Variants in HIVEP2 observed in about 807,000 individuals in gnomAD.
HIVEP2 encodes transcription factor HIVEP2.
A neutral mutation model predicts 180.7 loss-of-function variants in HIVEP2; 14 were observed. The observed-to-expected ratio is 0.08, with a 90% confidence interval of 0.05 to 0.12. The LOEUF is 0.12. Among genes scored for constraint, HIVEP2 ranks in the 10% least tolerant of loss-of-function variants. The pLI, the probability that HIVEP2 is intolerant of heterozygous loss-of-function variation, is 1.00. For missense variants in HIVEP2, 2,579 were observed against 3,008.5 expected (o/e 0.86, Z 3.34); for synonymous variants, 1,184 against 1,136.4 (o/e 1.04, Z -0.84).
intron 1 of HIVEP2, among the ~76,000 whole-genome samples, chr6:142,921,123 C>T (rs1777672864): frequency 6.6e-6 from 1 of 152,192 alleles, no homozygotes. Flanking sequence ...ACTGCCGGAG[C>T]TTAAATGCAA....
intron 1 of HIVEP2, among the ~76,000 whole-genome samples, chr6:142,855,605 G>A (rs1046961400): frequency 3.3e-5 from 5 of 152,110 alleles, no homozygotes; most frequent in African/African-American, 1.2e-4. Context: ...ATTAGTTCTG[G>A]GGAACCTCTC....
intron 2 of HIVEP2, among the ~76,000 whole-genome samples, chr6:142,787,370 G>A (rs1333092752): frequency 2.0e-5 from 3 of 152,052 alleles, no homozygotes; most frequent in Non-Finnish European, 4.4e-5. Context: ...TAAAAAGAGT[G>A]TTTAAGTATT....
chr6:142,796,785 A>C (rs1290532557), intron 2 of HIVEP2, among the ~76,000 whole-genome samples: 2 of 152,178 alleles, frequency 1.3e-5, no homozygotes, highest in Non-Finnish European at 2.9e-5. Flanking sequence ...AGGAGAGATC[A>C]CTTTTTATTG....
At chr6:142,924,461 C>CA (rs1293830320) in intron 1 of HIVEP2, among the ~76,000 whole-genome samples, 2 of 152,084 alleles carry the variant, frequency 1.3e-5, no homozygotes, top group East Asian at 3.9e-4. Context: ...CCAATTCTTT[C>CA]AAAAAATACT....
At position 142,760,542 on chromosome 6, in the gene HIVEP2, C is replaced by T; in HGVS notation, c.5746G>A (p.Glu1916Lys). The T allele has an allele frequency of 6.2e-7, 1 of 1,607,822 alleles. No homozygotes were observed. Among genetic ancestry groups the T allele is most frequent in the East Asian group, 2.2e-5 (1 of 44,858 alleles). ...TGGTCGTCAAAGTCATCTTCATCTTCATCATCATCATCATTATCATCTCCA... is the reference window on the plus strand; with the variant it reads ...TGGTCGTCAAAGTCATCTTCATCTTTATCATCATCATCATTATCATCTCCA... ...EDGDDNDDDDEDEDDFDDQGD... is the reference protein window; with the variant it reads ...EDGDDNDDDDKDEDDFDDQGD... The change falls in exon 9 of 10, where the codon GAA becomes AAA. Residue 1916 changes from glutamate (E) to lysine (K), a missense_variant. Physicochemically the swap from Glu to Lys is moderately conservative, Grantham distance 56 (BLOSUM62 1). This residue lies in a region of HIVEP2 where 660 missense variants were observed against 731.7 expected (regional missense o/e 0.90). Coordinates refer to ENST00000367603, the MANE Select transcript of HIVEP2 (RefSeq NM_006734.4).
intron 1 of HIVEP2, among the ~76,000 whole-genome samples, chr6:142,878,589 T>C (rs1169780000): frequency 2.0e-5 from 3 of 152,076 alleles, no homozygotes; most frequent in South Asian, 2.1e-4. Context: ...CCAAGTTCCA[T>C]ATGAGACAAG....
At chr6:142,918,715 A>G (rs1000986417) in intron 1 of HIVEP2, among the ~76,000 whole-genome samples, 2 of 152,238 alleles carry the variant, frequency 1.3e-5, no homozygotes, top group Non-Finnish European at 2.9e-5. Flanking sequence ...TAACATGTTC[A>G]TGTAATTTTT....
At chr6:142,926,146 C>G (rs900513589) in intron 1 of HIVEP2, among the ~76,000 whole-genome samples, 3 of 152,186 alleles carry the variant, frequency 2.0e-5, no homozygotes, top group Non-Finnish European at 4.4e-5. Context: ...TTAAATTTAA[C>G]AGCTTGGGTT....
At chr6:142,806,771 C>T (rs966535866) in intron 2 of HIVEP2, among the ~76,000 whole-genome samples, 2 of 152,136 alleles carry the variant, frequency 1.3e-5, no homozygotes, top group Non-Finnish European at 2.9e-5. Flanking sequence ...TTCTTATGCT[C>T]AGCTTTTTGC....
At chr6:142,810,197 G>C (rs1380728025) in intron 2 of HIVEP2, among the ~76,000 whole-genome samples, 1 of 152,158 alleles carries the variant, frequency 6.6e-6, no homozygotes, top group Non-Finnish European at 1.5e-5. Context: ...ATTGGTTGTT[G>C]CTCAATAATG....
chr6:142,939,865 T>C lies in HIVEP2; in HGVS notation c.-641+5234A>G, dbSNP rs1476098616. Among the ~76,000 whole-genome samples, 3 of 152,284 alleles carry C rather than the reference T, an allele frequency of 2.0e-5. No individual in the cohort carries two copies. The East Asian group carries it at 5.8e-4, about 29-fold the overall frequency. ...TTTTTGTCACCTAAATTGAATCTCC[T>C]ACATTATATAAATTATAAAACAGAA... is the stretch of plus-strand genomic sequence containing the variant. On this transcript the variant is annotated intron_variant, in intron 1 of 9. Transcript: ENST00000367603.
intron 1 of HIVEP2, among the ~76,000 whole-genome samples, chr6:142,912,690 G>A (rs900640393): frequency 2.6e-5 from 4 of 152,222 alleles, no homozygotes; most frequent in Admixed American, 6.5e-5. Flanking sequence ...ACTGTGAACC[G>A]CGCATGCGAG....
intron 1 of HIVEP2, among the ~76,000 whole-genome samples, chr6:142,916,809 T>A (rs1158176024): frequency 6.6e-6 from 1 of 152,202 alleles, no homozygotes; most frequent in Non-Finnish European, 1.5e-5. Context: ...CAGATCAGCA[T>A]CCAGCACCTA....
Position 142,771,633 on chromosome 6 carries a change from G to T in HIVEP2, c.3106C>A (p.Pro1036Thr), listed in dbSNP as rs772713459. The change falls in exon 5 of 10, where the codon CCT becomes ACT. Residue 1036 changes from proline (P) to threonine (T), a missense_variant. Physicochemically the swap from Pro to Thr is conservative, Grantham distance 38 (BLOSUM62 -1). Transcript: ENST00000367603. This position sits in a 1 kb window ranked among gnomAD's most constrained non-coding sequence, Gnocchi z 5.4. Reference sequence around the variant, plus strand: ...GGGACTTCCGCTGGGTGAGGACAAGGCATCTGCTCTGATGAGCAGCGTCGC... The same window carrying T: ...GGGACTTCCGCTGGGTGAGGACAAGTCATCTGCTCTGATGAGCAGCGTCGC... ...EMRRCSSEQMPCPHPAEVPEV... is the reference protein window; with the variant it reads ...EMRRCSSEQMTCPHPAEVPEV... 19 of 1,614,164 alleles carry T rather than the reference G, an allele frequency of 1.2e-5. No homozygotes were observed. The highest frequency in any genetic ancestry group is 1.5e-5 in the Non-Finnish European group (18 of 1,180,030).
intron 1 of HIVEP2, among the ~76,000 whole-genome samples, chr6:142,904,969 A>T (rs1777226776): frequency 6.6e-6 from 1 of 151,704 alleles, no homozygotes; most frequent in Non-Finnish European, 1.5e-5. Context: ...AACAAGTATG[A>T]CTCCTCTCCT....
intron 1 of HIVEP2, among the ~76,000 whole-genome samples, chr6:142,888,297 G>A (rs1024608477): frequency 6.6e-6 from 1 of 152,018 alleles, no homozygotes; most frequent in Non-Finnish European, 1.5e-5. Flanking sequence ...GGGACCACAG[G>A]TGCATGCCAT....
At chr6:142,836,871 G>A (rs901013750) in intron 2 of HIVEP2, 64 bp downstream of exon 2, 5 of 152,044 alleles carry the variant, frequency 3.3e-5, no homozygotes, top group African/African-American at 1.2e-4. Context: ...TTAATATTGT[G>A]CTTGAGGAAT....
intron 1 of HIVEP2, among the ~76,000 whole-genome samples, chr6:142,926,921 G>A (rs948461343): frequency 6.6e-6 from 1 of 152,050 alleles, no homozygotes; most frequent in Admixed American, 6.5e-5. Flanking sequence ...TGAGCCCTGC[G>A]GAGACGTCAT....
chr6:142,930,823 A>T (rs1777926436), intron 1 of HIVEP2, among the ~76,000 whole-genome samples: 1 of 152,220 alleles, frequency 6.6e-6, no homozygotes, highest in African/African-American at 2.4e-5. Flanking sequence ...GAATTCAAGT[A>T]AAACAAAATT....
Sources: allele counts gnomAD v4.1 joint callset (sites outside exome capture counted in the v4.1 genomes callset), GRCh38; gene constraint gnomAD v4.1.1; regional missense constraint gnomAD v4.1.1; non-coding constraint Gnocchi (gnomAD v3.1); transcripts MANE v1.5; gene names NCBI Gene and HGNC (gene_info 2026-07-23, HGNC 2026-07-21).